The following FGGY variants were observed in gnomAD, a reference collection of about 807,000 sequenced individuals.
The protein encoded by FGGY is FGGY carbohydrate kinase domain-containing protein.
A neutral mutation model predicts 71.3 loss-of-function variants in FGGY; 72 were observed. The observed-to-expected ratio is 1.01, with a 90% CI of 0.84 to 1.23. FGGY has a LOEUF of 1.23. Ranked by LOEUF, FGGY falls within the 50% of genes most tolerant of loss-of-function variation. The pLI is 0.00. For missense variants in FGGY, 668 were observed against 682.3 expected (o/e 0.98, Z 0.23); for synonymous variants, 251 against 250.3 (o/e 1.00, Z -0.02).
chr1:59,473,069 C>T (rs1380755692), intron 6 of FGGY, among the ~76,000 whole-genome samples: 5 of 152,164 alleles, frequency 3.3e-5, no homozygotes, highest in Non-Finnish European at 5.9e-5. Context: ...CTGCCCGAGC[C>T]AGCAGTGGCA....
intron 6 of FGGY, among the ~76,000 whole-genome samples, chr1:59,472,393 C>T (rs1968546): frequency 1.3e-5 from 2 of 151,998 alleles, no homozygotes; most frequent in South Asian, 4.1e-4. Context: ...CTGTGGGGCC[C>T]GAGCCTCCCT....
intron 13 of FGGY, among the ~76,000 whole-genome samples, chr1:59,668,194 G>T (rs954281349): frequency 9.2e-5 from 14 of 152,164 alleles, no homozygotes; most frequent in African/African-American, 3.1e-4. Context: ...GGCCCCATTG[G>T]CAGGAGGCTT....
At chr1:59,304,187 C>T (rs1039720409) in intron 1 of FGGY, among the ~76,000 whole-genome samples, 3 of 152,004 alleles carry the variant, frequency 2.0e-5, no homozygotes, top group African/African-American at 4.8e-5. Context: ...TTGTCGTTTT[C>T]TTCTAGGAGT....
intron 8 of FGGY, among the ~76,000 whole-genome samples, chr1:59,580,877 G>T (rs1351397903): frequency 6.6e-6 from 1 of 152,074 alleles, no homozygotes; most frequent in African/African-American, 2.4e-5. Context: ...CTATTCCATT[G>T]AGTGACCTTT....
chr1:59,706,558 A>G (rs1461398619), intron 14 of FGGY, among the ~76,000 whole-genome samples: 2 of 152,244 alleles, frequency 1.3e-5, no homozygotes, highest in East Asian at 3.8e-4. Context: ...TCTAATTTGT[A>G]AAATGAGTAT....
chr1:59,752,943 C>CTTA (rs1376515790), intron 14 of FGGY, among the ~76,000 whole-genome samples: 2 of 152,064 alleles, frequency 1.3e-5, no homozygotes, highest in Non-Finnish European at 2.9e-5. Context: ...ATAGCTCTGC[C>CTTA]TTATAGAGAG....
intron 14 of FGGY, among the ~76,000 whole-genome samples, chr1:59,753,109 C>T (rs114474425): frequency 0.012 from 1,900 of 152,150 alleles, 50 homozygotes; most frequent in African/African-American, 0.044. Context: ...TAAGATTGTC[C>T]GGCTCCTGCC....
In FGGY at chr1:59,346,123, C is replaced by T. The variant is rs994672697; in HGVS notation, c.314-124C>T. 4.0e-6 allele frequency: 5 copies of T among 1,260,486 alleles called. No individual in the cohort carries two copies. In the African/African-American group the frequency reaches 6.0e-5, roughly 15 times the overall value. 78.1% of individuals were successfully genotyped at this position (1,260,486 alleles called of 1,614,324 possible). A position where few individuals can be genotyped will look rare whatever the true frequency, so the allele number is the denominator to read the frequency against. ...CTTGCTGGTGTCCTTTCATTTTGCA[C>T]ACTCTTGATACATAAAATTATAGAA... On this transcript the variant is annotated intron_variant, in intron 3 of 15. Coordinates refer to ENST00000303721, the MANE Select transcript of FGGY (RefSeq NM_018291.5).
chr1:59,485,351 G>A (rs1253555774), intron 6 of FGGY, among the ~76,000 whole-genome samples: 1 of 152,018 alleles, frequency 6.6e-6, no homozygotes, highest in Non-Finnish European at 1.5e-5. Flanking sequence ...TGTGTCCTGT[G>A]GGATTCCTGA....
chr1:59,402,454 G>A (rs2062096603), intron 5 of FGGY, among the ~76,000 whole-genome samples: 1 of 152,218 alleles, frequency 6.6e-6, no homozygotes, highest in East Asian at 1.9e-4. Flanking sequence ...TATCAGCAGT[G>A]TGATAGTAGG....
intron 7 of FGGY, among the ~76,000 whole-genome samples, chr1:59,526,738 AAAT>A (rs2094993467): frequency 6.6e-6 from 1 of 152,206 alleles, no homozygotes; most frequent in Non-Finnish European, 1.5e-5. Context: ...CTCGCCATTC[AAAT>A]GTGCGAGAGG....
chr1:59,504,203 G>A (rs998268826), intron 6 of FGGY, among the ~76,000 whole-genome samples: 2 of 138,198 alleles, frequency 1.4e-5, no homozygotes, highest in South Asian at 4.4e-4. Flanking sequence ...GAAGCTCTGC[G>A]CCCCTTCCCC....
At chr1:59,589,197 C>A (rs998066743) in intron 8 of FGGY, among the ~76,000 whole-genome samples, 3 of 151,634 alleles carry the variant, frequency 2.0e-5, no homozygotes, top group African/African-American at 7.3e-5. Flanking sequence ...CAAAGAAGGC[C>A]ATTAAATAAT....
intron 6 of FGGY, among the ~76,000 whole-genome samples, chr1:59,499,354 G>C (rs919446530): frequency 5.0e-5 from 7 of 140,924 alleles, no homozygotes; most frequent in Non-Finnish European, 1.1e-4. Flanking sequence ...GGACGACAGG[G>C]AGGTAGTGCC....
At chr1:59,349,611 ATTAAT>A (rs1231155607) in intron 4 of FGGY, among the ~76,000 whole-genome samples, 1 of 152,228 alleles carries the variant, frequency 6.6e-6, no homozygotes, top group African/African-American at 2.4e-5. Context: ...AACATCTTAT[ATTAAT>A]TTATTTTAAA....
At chr1:59,482,570 ATGTGTGTGTGTGTGTGTGTGTCTG>A (rs2093518319) in intron 6 of FGGY, among the ~76,000 whole-genome samples, 1 of 147,956 alleles carries the variant, frequency 6.8e-6, no homozygotes, top group Admixed American at 6.8e-5. Flanking sequence ...GTGTATATAT[ATGTGTGTGTGTGTGTGTGTGTCTG>A]TGTGTGTATA....
chr1:59,532,039 A>C (rs2095159132), intron 7 of FGGY, among the ~76,000 whole-genome samples: 1 of 152,230 alleles, frequency 6.6e-6, no homozygotes, highest in Non-Finnish European at 1.5e-5. Flanking sequence ...ATCAAGAGTA[A>C]AAACAAAGCC....
chr1:59,454,477 A>G (rs892485474), intron 5 of FGGY, among the ~76,000 whole-genome samples: 7 of 152,204 alleles, frequency 4.6e-5, no homozygotes, highest in African/African-American at 1.4e-4. Context: ...AAGTGCTTGC[A>G]TTCCTTCAGT....
At chr1:59,418,511 A>C (rs2064864632) in intron 5 of FGGY, among the ~76,000 whole-genome samples, 1 of 151,732 alleles carries the variant, frequency 6.6e-6, no homozygotes, top group Admixed American at 6.6e-5. Flanking sequence ...AAAAAGTTTG[A>C]GGGGCATAGG....
Sources: gnomAD v4.1 joint callset for allele counts (sites outside exome capture counted in the v4.1 genomes callset) on GRCh38, gnomAD v4.1.1 for gene constraint, MANE v1.5 for transcripts, NCBI Gene and HGNC (gene_info 2026-07-23, HGNC 2026-07-21) for gene names.